The following SGMS1 variants were observed in gnomAD, a reference collection of about 807,000 sequenced individuals.
SGMS1 encodes sphingomyelin synthase 1.
In SGMS1, 13 loss-of-function variants were observed where a neutral mutation model predicts 46.2. The ratio of observed to expected loss-of-function variants is 0.28; its 90% CI spans 0.18 to 0.45. The LOEUF (loss-of-function observed/expected upper bound fraction) is 0.45, where lower values mean the gene tolerates loss of function less well. Among genes scored for constraint, SGMS1 ranks in the 20% least tolerant of loss-of-function variants. The pLI is 1.00. For missense variants in SGMS1, 324 were observed against 519.9 expected (o/e 0.62, Z 3.66); for synonymous variants, 203 against 187.8 (o/e 1.08, Z -0.66).
rs1199434390 is a variant in SGMS1 at position 50,344,158 on chromosome 10, G to A, written c.-44C>T. The stretch of plus-strand genomic sequence containing the variant: ...GCAGTCCCCAGCTCTCTCTTGGCAG[G>A]TCAGCAGTCACTGTTCCGACAGGGC... On this transcript the variant is annotated 5_prime_UTR_variant, in exon 7 of 11. Transcript: ENST00000361781. The A allele has an allele frequency of 1.9e-6, 3 of 1,545,788 alleles. No individual in the cohort carries two copies. In the East Asian group the frequency reaches 6.7e-5, roughly 35 times the overall value.
chr10:50,442,219 A>G (rs545887930), intron 5 of SGMS1, among the ~76,000 whole-genome samples: 178 of 150,916 alleles, frequency 1.2e-3, no homozygotes, highest in African/African-American at 4.0e-3. Context: ...TCAGGGGTAC[A>G]TGTGCAGGTT....
At position 50,554,296 on chromosome 10, in the gene SGMS1, G is replaced by A. The variant is rs147148674; in HGVS notation, c.-588-34375C>T. On this transcript the variant is annotated intron_variant, in intron 2 of 10. Coordinates refer to ENST00000361781, the MANE Select transcript of SGMS1 (RefSeq NM_147156.4). ...GTAAATACACACAAAAACCCGTTCC[G>A]GTCTGTCAGTCAGGGAAAGACTATC... is the stretch of plus-strand genomic sequence containing the variant. 1.0e-3 allele frequency among the ~76,000 whole-genome samples: 156 copies of A among 152,114 alleles called. 1 individual carries two copies. Among genetic ancestry groups the A allele is most frequent in the African/African-American group, 3.6e-3 (148 of 41,486 alleles).
intron 6 of SGMS1, among the ~76,000 whole-genome samples, chr10:50,422,771 T>G (rs1044703398): frequency 6.6e-6 from 1 of 152,250 alleles, no homozygotes; most frequent in Non-Finnish European, 1.5e-5. Flanking sequence ...TAGGTATACA[T>G]TTATTATATG....
intron 2 of SGMS1, among the ~76,000 whole-genome samples, chr10:50,525,204 C>A (rs1266823186): frequency 6.6e-6 from 1 of 152,082 alleles, no homozygotes; most frequent in East Asian, 1.9e-4. Context: ...CAAATAGCAT[C>A]CTCTATTGGA....
chr10:50,410,491 A>G (rs1849080871), intron 6 of SGMS1, among the ~76,000 whole-genome samples: 1 of 152,228 alleles, frequency 6.6e-6, no homozygotes, highest in Admixed American at 6.5e-5. Flanking sequence ...GTAAACCATC[A>G]GGTGGGTTGT....
chr10:50,332,812 G>T (rs2133329642), intron 7 of SGMS1, among the ~76,000 whole-genome samples: 1 of 151,920 alleles, frequency 6.6e-6, no homozygotes, highest in East Asian at 1.9e-4. Flanking sequence ...TTTCTGTAAA[G>T]ACAGGGTCTT....
chr10:50,397,158 GA>G (rs1209801428), intron 6 of SGMS1, among the ~76,000 whole-genome samples: 2 of 152,310 alleles, frequency 1.3e-5, no homozygotes, highest in Middle Eastern at 3.4e-3. Context: ...TAGATTTAGA[GA>G]ACTTGTACAT....
chr10:50,590,687 A>T (rs1838532278), intron 1 of SGMS1: 5 of 152,228 alleles, frequency 3.3e-5, no homozygotes, highest in Non-Finnish European at 7.3e-5. Flanking sequence ...AACTTGCTAG[A>T]TAAATTCTAA....
intron 3 of SGMS1, among the ~76,000 whole-genome samples, chr10:50,472,475 G>A (rs1837387034): frequency 6.6e-6 from 1 of 152,084 alleles, no homozygotes; most frequent in Non-Finnish European, 1.5e-5. Context: ...CATCCATGTT[G>A]TTGCAAATGA....
intron 8 of SGMS1, among the ~76,000 whole-genome samples, chr10:50,325,403 T>A (rs1367623130): frequency 6.6e-6 from 1 of 152,198 alleles, no homozygotes. Flanking sequence ...CACCTCCTAC[T>A]GTTTAAGATT....
At chr10:50,468,435 A>G (rs909869272) in intron 3 of SGMS1, among the ~76,000 whole-genome samples, 21 of 152,230 alleles carry the variant, frequency 1.4e-4, no homozygotes, top group African/African-American at 4.1e-4. Flanking sequence ...CCAGAAAGTG[A>G]AATAGTTTTG....
intron 3 of SGMS1, among the ~76,000 whole-genome samples, chr10:50,479,999 C>T (rs928083913): frequency 2.6e-5 from 4 of 152,146 alleles, no homozygotes; most frequent in Admixed American, 1.3e-4. Flanking sequence ...AAACTCATTT[C>T]ATTAATTATC....
In SGMS1 at chr10:50,494,287, C is replaced by CA. The variant is rs1188436084; in HGVS notation, c.-498+25543dup. Among the ~76,000 whole-genome samples the CA allele has an allele frequency of 1.5e-3, 232 of 151,590 alleles. 1 individual carries two copies. Among genetic ancestry groups the CA allele is most frequent in the African/African-American group, 1.4e-3 (57 of 41,346 alleles). On this transcript the variant is annotated intron_variant, in intron 3 of 10. Transcript: ENST00000361781. ...GCCATTCCAATACTGGGTATACATTCAAAAAATAAAAATCATTCTATTATA... is the reference window on the plus strand; with the variant it reads ...GCCATTCCAATACTGGGTATACATTCAAAAAAATAAAAATCATTCTATTATA...
chr10:50,566,883 C>T (rs946108969), intron 2 of SGMS1, among the ~76,000 whole-genome samples: 1 of 152,138 alleles, frequency 6.6e-6, no homozygotes, highest in East Asian at 1.9e-4. Flanking sequence ...CCTAACACAA[C>T]GAAAATGCTT....
At chr10:50,492,902 C>A (rs1244183968) in intron 3 of SGMS1, among the ~76,000 whole-genome samples, 1 of 152,184 alleles carries the variant, frequency 6.6e-6, no homozygotes, top group African/African-American at 2.4e-5. Context: ...CACTTAAACA[C>A]CTATCTCTCT....
intron 6 of SGMS1, among the ~76,000 whole-genome samples, chr10:50,348,897 C>G (rs113780604): frequency 6.6e-6 from 1 of 152,164 alleles, no homozygotes; most frequent in Non-Finnish European, 1.5e-5. Context: ...GGAAGCATCA[C>G]GCTACCTGAC....
chr10:50,612,905 C>T, intron 1 of SGMS1, among the ~76,000 whole-genome samples: 1 of 152,198 alleles, frequency 6.6e-6, no homozygotes, highest in East Asian at 1.9e-4. Flanking sequence ...GATGGGGTTT[C>T]ACCATGCTGG....
chr10:50,375,167 G>A (rs186278986), intron 6 of SGMS1, among the ~76,000 whole-genome samples: 1 of 152,154 alleles, frequency 6.6e-6, no homozygotes, highest in Non-Finnish European at 1.5e-5. Context: ...AGCTTGAAAG[G>A]AGAACAGGTT....
At chr10:50,387,099 G>GT (rs983742600) in intron 6 of SGMS1, among the ~76,000 whole-genome samples, 1 of 152,180 alleles carries the variant, frequency 6.6e-6, no homozygotes, top group African/African-American at 2.4e-5. Context: ...CCCCAACTGA[G>GT]TAGTGCACCT....
Sources: gnomAD v4.1 joint callset for allele counts (sites outside exome capture counted in the v4.1 genomes callset) on GRCh38, gnomAD v4.1.1 for gene constraint, MANE v1.5 for transcripts, NCBI Gene and HGNC (gene_info 2026-07-23, HGNC 2026-07-21) for gene names.